The following TMEM132D variants were observed in gnomAD, a reference collection of about 807,000 sequenced individuals.
The protein encoded by TMEM132D is mature OL transmembrane protein.
TMEM132D carries 21 observed loss-of-function variants against 62.3 expected under a neutral mutation model. That is an observed-to-expected ratio of 0.34 (90% confidence interval 0.24 to 0.49). TMEM132D has a LOEUF of 0.49. Among genes scored for constraint, TMEM132D ranks in the 20% least tolerant of loss-of-function variants. TMEM132D has a pLI of 0.99. For missense variants in TMEM132D, 1,346 were observed against 1,402.8 expected, an observed-to-expected ratio of 0.96 and a Z score of 0.65; for synonymous variants, 621 against 575.6, an observed-to-expected ratio of 1.08 and a Z score of -1.13.
chr12:129,545,976 C>A (rs757998186), intron 2 of TMEM132D, among the ~76,000 whole-genome samples: 1 of 152,156 alleles, frequency 6.6e-6, no homozygotes, highest in Non-Finnish European at 1.5e-5. Context: ...TGTCCAGGTG[C>A]CTCTTGGACA....
intron 1 of TMEM132D, among the ~76,000 whole-genome samples, chr12:129,860,996 G>A (rs796746397): frequency 6.6e-6 from 1 of 152,246 alleles, no homozygotes; most frequent in African/African-American, 2.4e-5. Context: ...TTTGGGTGGG[G>A]ACACAGCCAA....
intron 3 of TMEM132D, among the ~76,000 whole-genome samples, chr12:129,361,455 T>C (rs1287551048): frequency 2.6e-5 from 4 of 152,180 alleles, no homozygotes; most frequent in Non-Finnish European, 5.9e-5. Context: ...CAGCTTTCCC[T>C]GCAGAAATAA....
At chr12:129,650,307 T>C (rs919630764) in intron 2 of TMEM132D, among the ~76,000 whole-genome samples, 2 of 152,234 alleles carry the variant, frequency 1.3e-5, no homozygotes, top group Non-Finnish European at 2.9e-5. Context: ...TTCATTTTGC[T>C]ACCATAGAAT....
chr12:129,655,080 T>C (rs1482497458), intron 2 of TMEM132D, among the ~76,000 whole-genome samples: 3 of 151,896 alleles, frequency 2.0e-5, no homozygotes, highest in Non-Finnish European at 4.4e-5. Context: ...CCACAGTAGA[T>C]GGGACTACAG....
chr12:129,155,081 G>C (rs1390639546), intron 5 of TMEM132D, among the ~76,000 whole-genome samples: 1 of 152,228 alleles, frequency 6.6e-6, no homozygotes, highest in Non-Finnish European at 1.5e-5. Context: ...TTGGTATAAA[G>C]CACACACATC....
At chr12:129,644,636 A>G (rs1444147262) in intron 2 of TMEM132D, among the ~76,000 whole-genome samples, 1 of 152,096 alleles carries the variant, frequency 6.6e-6, no homozygotes, top group Non-Finnish European at 1.5e-5. Context: ...CAGACACAGT[A>G]TAATCTCCCT....
intron 1 of TMEM132D, among the ~76,000 whole-genome samples, chr12:129,870,222 A>T (rs1047234259): frequency 1.3e-5 from 2 of 151,994 alleles, no homozygotes; most frequent in Non-Finnish European, 2.9e-5. Flanking sequence ...GGCTCAAGAG[A>T]TCCACCCACA....
intron 1 of TMEM132D, among the ~76,000 whole-genome samples, chr12:129,781,579 A>C (rs1026138815): frequency 2.0e-5 from 3 of 152,136 alleles, no homozygotes; most frequent in Non-Finnish European, 4.4e-5. Context: ...GTAGTTCTGA[A>C]ACTCTCAACA....
At chr12:129,471,946 C>T (rs1317489394) in intron 3 of TMEM132D, among the ~76,000 whole-genome samples, 2 of 152,180 alleles carry the variant, frequency 1.3e-5, no homozygotes, top group Non-Finnish European at 2.9e-5. Context: ...GAGGAAGCTA[C>T]GGAAGTTGGA....
chr12:129,844,156 T>C (rs1213156638), intron 1 of TMEM132D, among the ~76,000 whole-genome samples: 4 of 152,204 alleles, frequency 2.6e-5, no homozygotes, highest in Non-Finnish European at 4.4e-5. Context: ...CATTCTTCCA[T>C]TGGGTCAATG....
intron 1 of TMEM132D, among the ~76,000 whole-genome samples, chr12:129,766,599 A>T (rs1409963225): frequency 6.6e-6 from 1 of 152,072 alleles, no homozygotes; most frequent in African/African-American, 2.4e-5. Flanking sequence ...CCTGAGGGAG[A>T]GCTATCTTCC....
intron 3 of TMEM132D, among the ~76,000 whole-genome samples, chr12:129,459,627 T>C (rs563477188): frequency 1.3e-5 from 2 of 152,320 alleles, no homozygotes; most frequent in Non-Finnish European, 2.9e-5. Flanking sequence ...TTTTAAGGGA[T>C]GTAAATATTT....
At chr12:129,778,991 C>T (rs982706467) in intron 1 of TMEM132D, among the ~76,000 whole-genome samples, 10 of 152,216 alleles carry the variant, frequency 6.6e-5, no homozygotes, top group African/African-American at 1.9e-4. Flanking sequence ...TTCTCTCTCA[C>T]GTAAATACTA....
rs569747117 is a variant in TMEM132D, at chr12:129,577,086, C to T, written c.969-45881G>A. ...CATCACTAGTGGCACTCTGTATGGGCCCCATGGTGTCACCGAAGGTTTACA... is the reference window on the plus strand; with the variant it reads ...CATCACTAGTGGCACTCTGTATGGGTCCCATGGTGTCACCGAAGGTTTACA... On this transcript the variant is annotated intron_variant, in intron 2 of 8. Transcript: ENST00000422113. 6.1e-4 allele frequency among the ~76,000 whole-genome samples: 92 copies of T among 151,906 alleles called. 2 individuals carry two copies. Among genetic ancestry groups the T allele is most frequent in the Middle Eastern group, 3.4e-3 (1 of 294 alleles).
chr12:129,519,324 TG>T (rs1875779421), intron 3 of TMEM132D, among the ~76,000 whole-genome samples: 1 of 152,200 alleles, frequency 6.6e-6, no homozygotes, highest in Admixed American at 6.5e-5. Flanking sequence ...CTATTGGATT[TG>T]TAAAAGATAT....
chr12:129,247,281 A>AC (rs1880147368), intron 4 of TMEM132D, among the ~76,000 whole-genome samples: 2 of 152,272 alleles, frequency 1.3e-5, no homozygotes, highest in South Asian at 4.1e-4. Flanking sequence ...GCCTTGGAGC[A>AC]TGAGTGGGCA....
intron 2 of TMEM132D, among the ~76,000 whole-genome samples, chr12:129,671,306 C>T (rs1880494849): frequency 6.6e-6 from 1 of 152,042 alleles, no homozygotes; most frequent in African/African-American, 2.4e-5. Flanking sequence ...CTTGTGCTTC[C>T]ATCAGTTGTA....
chr12:129,503,869 C>T (rs1875238584), intron 3 of TMEM132D, among the ~76,000 whole-genome samples: 1 of 152,102 alleles, frequency 6.6e-6, no homozygotes, highest in African/African-American at 2.4e-5. Flanking sequence ...TTTTCCTCCT[C>T]CTCCTCATCT....
chr12:129,548,813 G>A (rs185557326), intron 2 of TMEM132D, among the ~76,000 whole-genome samples: 2 of 152,338 alleles, frequency 1.3e-5, no homozygotes, highest in Admixed American at 1.3e-4. Context: ...AAATGCAGAA[G>A]AGAAAGCACA....
Sources: gnomAD v4.1 joint callset for allele counts (sites outside exome capture counted in the v4.1 genomes callset) on GRCh38, gnomAD v4.1.1 for gene constraint, MANE v1.5 for transcripts, NCBI Gene and HGNC (gene_info 2026-07-23, HGNC 2026-07-21) for gene names.